The following RARB variants were observed in gnomAD, a reference collection of about 807,000 sequenced individuals.
RARB encodes HBV-activated protein.
Under a neutral mutation model 51.9 loss-of-function variants are expected in RARB, and 17 were observed. The ratio of observed to expected loss-of-function variants is 0.33; its 90% CI spans 0.22 to 0.49. RARB has a LOEUF of 0.49. Ranked by LOEUF, RARB falls within the 20% of genes least tolerant of loss-of-function variation. The probability of loss-of-function intolerance (pLI) is 0.99; values close to 1 mark genes in which losing one functional copy is unlikely to be tolerated. For missense variants in RARB, 369 were observed against 550.8 expected, an observed-to-expected ratio of 0.67 and a Z score of 3.30; for synonymous variants, 215 against 195.4, an observed-to-expected ratio of 1.10 and a Z score of -0.84.
intron 1 of RARB, among the ~76,000 whole-genome samples, chr3:24,833,945 T>G (rs904557772): frequency 6.6e-6 from 1 of 152,224 alleles, no homozygotes; most frequent in African/African-American, 2.4e-5. Context: ...GATATCACCT[T>G]TCACCTATTA....
At position 24,908,661 on chromosome 3, in the gene RARB, C is replaced by CTGTTTTT. The variant is rs1559391742; in HGVS notation, c.-380+49911_-380+49917dup. Among the ~76,000 whole-genome samples, 2 of 47,018 alleles carry CTGTTTTT rather than the reference C, an allele frequency of 4.3e-5. 1 individual carries two copies. 30.8% of individuals were successfully genotyped at this position (47,018 alleles called of 152,430 possible). On this transcript the variant is annotated intron_variant, in intron 2 of 11. Transcript: ENST00000383772. ...TTTGTAATTCTTGAGGTAACCACAA[C>CTGTTTTT]TGTTTTTTTTTTTTTTTTTTTTTTT... is the stretch of plus-strand genomic sequence containing the variant.
rs376746974 is a variant in RARB at position 25,403,544 on chromosome 3, C to G, written c.179-57649C>G. The stretch of plus-strand genomic sequence containing the variant: ...GTGTTAAATCTGACCTCAACTTTGC[C>G]TTTAAACCAGAGTAAGCCTAGGCAG... On this transcript the variant is annotated intron_variant, in intron 5 of 11. Coordinates refer to the RARB transcript ENST00000383772. Among the ~76,000 whole-genome samples, 6 of 152,246 alleles carry G rather than the reference C, an allele frequency of 3.9e-5. No individual in the cohort carries two copies. The East Asian group carries it at 9.6e-4, about 24-fold the overall frequency.
intron 2 of RARB, among the ~76,000 whole-genome samples, chr3:24,953,595 T>A (rs964414563): frequency 4.6e-5 from 7 of 152,198 alleles, no homozygotes; most frequent in Non-Finnish European, 1.0e-4. Flanking sequence ...GCCATAGAGA[T>A]AACTGGATGA....
At chr3:24,956,053 C>A (rs530650081) in intron 2 of RARB, among the ~76,000 whole-genome samples, 4 of 152,178 alleles carry the variant, frequency 2.6e-5, no homozygotes, top group African/African-American at 9.6e-5. Context: ...AGTCCCTGAT[C>A]TCTGAATTGA....
intron 2 of RARB, among the ~76,000 whole-genome samples, chr3:24,989,301 A>C (rs915187907): frequency 2.0e-5 from 3 of 152,232 alleles, no homozygotes; most frequent in Non-Finnish European, 4.4e-5. Context: ...CAATTGTCAT[A>C]GCTATATCAG....
In RARB at chr3:25,428,296, G is replaced by T. The variant is rs1352811819; in HGVS notation, c.-436G>T. The T allele has an allele frequency of 4.0e-6, 5 of 1,241,076 alleles. No individual in the cohort carries two copies. The highest frequency in any genetic ancestry group is 5.0e-6 in the Non-Finnish European group (5 of 993,176). 76.9% of individuals were successfully genotyped at this position (1,241,076 alleles called of 1,614,324 possible). On this transcript the variant is annotated 5_prime_UTR_variant, in exon 1 of 8. In the 5' UTR this introduces an upstream ATG that the reference lacks. Transcript: ENST00000330688. ...AGTAGTAGGAAGTGAGCTGTTCAGA[G>T]GCAGGAGGGTCTATTCTTTGCCAAA...
At chr3:25,218,260 T>G (rs572000042) in intron 5 of RARB, among the ~76,000 whole-genome samples, 47 of 152,182 alleles carry the variant, frequency 3.1e-4, no homozygotes, top group African/African-American at 1.1e-3. Context: ...TGGCACTGTT[T>G]CAGGAATGTG....
intron 1 of RARB, among the ~76,000 whole-genome samples, chr3:25,446,667 G>A (rs537965227): frequency 5.9e-5 from 9 of 151,968 alleles, no homozygotes; most frequent in African/African-American, 2.2e-4. Context: ...GCCGGGCGTG[G>A]TGGCAGGCGC....
chr3:25,298,599 T>C (rs1703970703), intron 5 of RARB, among the ~76,000 whole-genome samples: 2 of 152,178 alleles, frequency 1.3e-5, no homozygotes, highest in Admixed American at 1.3e-4. Flanking sequence ...CTCTAATTTT[T>C]AGTCCCGGGT....
intron 5 of RARB, among the ~76,000 whole-genome samples, chr3:25,209,788 C>T (rs759211559): frequency 2.0e-4 from 31 of 152,174 alleles, no homozygotes; most frequent in Admixed American, 3.3e-4. Flanking sequence ...CTGAAAACAA[C>T]TTCTTCCCTT....
chr3:25,135,256 T>C (rs564094572), intron 4 of RARB, among the ~76,000 whole-genome samples: 1 of 152,152 alleles, frequency 6.6e-6, no homozygotes, highest in African/African-American at 2.4e-5. Flanking sequence ...TTATTTAATG[T>C]TAATTAAAGT....
chr3:24,942,804 T>TC (rs1465978588), intron 2 of RARB, among the ~76,000 whole-genome samples: 2 of 152,196 alleles, frequency 1.3e-5, no homozygotes, highest in African/African-American at 2.4e-5. Flanking sequence ...TCACTTTTTT[T>TC]CTCTATTAAC....
chr3:24,911,891 A>T (rs921834144), intron 2 of RARB, among the ~76,000 whole-genome samples: 5 of 152,226 alleles, frequency 3.3e-5, no homozygotes, highest in Non-Finnish European at 7.3e-5. Flanking sequence ...GCATCTTGTG[A>T]TATTCTCTCA....
chr3:25,568,820 G>C (rs1009580308), intron 3 of RARB, among the ~76,000 whole-genome samples: 4 of 152,198 alleles, frequency 2.6e-5, no homozygotes, highest in Admixed American at 2.0e-4. Context: ...CTCCCTGGAG[G>C]GGGTGGCATG....
chr3:24,862,735 G>A (rs925621129), intron 2 of RARB, among the ~76,000 whole-genome samples: 3 of 152,118 alleles, frequency 2.0e-5, no homozygotes, highest in African/African-American at 7.2e-5. Context: ...ATAAGGAGGG[G>A]GCTACTCTAC....
intron 2 of RARB, among the ~76,000 whole-genome samples, chr3:25,494,415 G>A (rs1696921606): frequency 6.6e-6 from 1 of 152,116 alleles, no homozygotes; most frequent in Non-Finnish European, 1.5e-5. Flanking sequence ...CACTAGAGCT[G>A]AGATCAAGTG....
chr3:25,587,036 C>G (rs1037989492), intron 5 of RARB, among the ~76,000 whole-genome samples: 1 of 152,234 alleles, frequency 6.6e-6, no homozygotes, highest in South Asian at 2.1e-4. Context: ...GGATTCAAAT[C>G]CCAGCTCTGC....
rs943645285 is a variant in RARB at position 25,290,425 on chromosome 3, C to G, written c.178+115850C>G. On this transcript the variant is annotated intron_variant, in intron 5 of 11. Coordinates refer to the RARB transcript ENST00000383772. ...GGCACCTTGATTTCACACTGCTAGC[C>G]TCCAGAACCATGAGAAAATGGATTT... Among the ~76,000 whole-genome samples the G allele has an allele frequency of 2.0e-5, 3 of 152,094 alleles. No individual in the cohort carries two copies. In the East Asian group the frequency reaches 5.8e-4, roughly 29 times the overall value.
intron 3 of RARB, among the ~76,000 whole-genome samples, chr3:25,068,198 A>G (rs957205273): frequency 6.8e-6 from 1 of 148,080 alleles, no homozygotes; most frequent in Non-Finnish European, 1.5e-5. Context: ...AAAGTTCAAC[A>G]GTCAAAAAAT....
Sources: allele counts gnomAD v4.1 joint callset (sites outside exome capture counted in the v4.1 genomes callset), GRCh38; gene constraint gnomAD v4.1.1; transcripts MANE v1.5; gene names NCBI Gene and HGNC (gene_info 2026-07-23, HGNC 2026-07-21).